TTLL5: variants seen among roughly 807,000 people sequenced by gnomAD.
TTLL5 encodes the protein tubulin polyglutamylase TTLL5.
Under a neutral mutation model 168.4 loss-of-function variants are expected in TTLL5, and 132 were observed. That is an observed-to-expected ratio of 0.78 (90% CI 0.68 to 0.91). The LOEUF (loss-of-function observed/expected upper bound fraction) is 0.91. Among genes scored for constraint, TTLL5 ranks in the 40% least tolerant of loss-of-function variants. TTLL5 has a pLI of 0.00. For missense variants in TTLL5, 1,545 were observed against 1,581.5 expected (o/e 0.98, Z 0.39); for synonymous variants, 546 against 558.6 (o/e 0.98, Z 0.32).
chr14:75,704,552 G>A (rs1305847347), intron 7 of TTLL5, among the ~76,000 whole-genome samples: 1 of 152,140 alleles, frequency 6.6e-6, no homozygotes, highest in African/African-American at 2.4e-5. Flanking sequence ...AAAGAAAGAT[G>A]TGTTTCCAAC....
chr14:75,690,350 T>A (rs368447761), intron 6 of TTLL5, 28 bp downstream of exon 6: 34 of 1,569,840 alleles, frequency 2.2e-5, no homozygotes, highest in Admixed American at 1.9e-4. Context: ...AATGCCCCAG[T>A]CCCCAGCAAC....
At chr14:75,682,777 T>A (rs536955912) in intron 4 of TTLL5, among the ~76,000 whole-genome samples, 1 of 151,894 alleles carries the variant, frequency 6.6e-6, no homozygotes, top group African/African-American at 2.4e-5. Flanking sequence ...TTTAATTTTT[T>A]ATTTTTAGAG....
chr14:75,750,662 T>C (rs567624230), intron 17 of TTLL5, among the ~76,000 whole-genome samples: 29 of 151,872 alleles, frequency 1.9e-4, no homozygotes, highest in Non-Finnish European at 1.6e-4. Flanking sequence ...GCAAAAGTTA[T>C]ATGCGGATTT....
chr14:75,904,431 T>G (rs944061751), intron 31 of TTLL5, among the ~76,000 whole-genome samples: 17 of 152,172 alleles, frequency 1.1e-4, no homozygotes, highest in African/African-American at 4.1e-4. Flanking sequence ...TCCCTGACTA[T>G]ACTTCATTTG....
chr14:75,850,406 CAA>C (rs35336374), intron 28 of TTLL5, among the ~76,000 whole-genome samples: 6 of 91,264 alleles, frequency 6.6e-5, no homozygotes, highest in Admixed American at 1.3e-4. Context: ...AACTCCGTCT[CAA>C]AAAAAAAAAA....
At chr14:75,725,418 C>G (rs1289382783) in intron 12 of TTLL5, among the ~76,000 whole-genome samples, 1 of 152,222 alleles carries the variant, frequency 6.6e-6, no homozygotes, top group East Asian at 1.9e-4. Context: ...TAGGAAGTAT[C>G]TACTGTTTAT....
At chr14:75,866,200 A>G (rs2030503355) in intron 29 of TTLL5, among the ~76,000 whole-genome samples, 1 of 152,244 alleles carries the variant, frequency 6.6e-6, no homozygotes, top group African/African-American at 2.4e-5. Context: ...GCAAAGCCCT[A>G]GTAGATTTTA....
At chr14:75,898,924 G>C (rs1024748943) in intron 30 of TTLL5, among the ~76,000 whole-genome samples, 3 of 152,170 alleles carry the variant, frequency 2.0e-5, no homozygotes, top group Non-Finnish European at 4.4e-5. Flanking sequence ...TTAACTTCCA[G>C]GTTCAGAATG....
At chr14:75,865,844 ATC>A (rs2030471974) in intron 29 of TTLL5, among the ~76,000 whole-genome samples, 1 of 152,226 alleles carries the variant, frequency 6.6e-6, no homozygotes, top group South Asian at 2.1e-4. Context: ...CTGTCAGAAT[ATC>A]TGTTTTAGCG....
chr14:75,925,499 C>A (rs1416471817), intron 31 of TTLL5, among the ~76,000 whole-genome samples: 1 of 149,528 alleles, frequency 6.7e-6, no homozygotes, highest in Admixed American at 6.6e-5. Context: ...GATGGGCGGC[C>A]GGGCAGAGAC....
In TTLL5 at chr14:75,661,299, G is replaced by C. The variant is rs991057467; in HGVS notation, c.-184G>C. ...ACCGGGGAAGCAGCCGTCGGCGGCT[G>C]CCCTGAGCCTTCCTGGGGAAGGAGG... On this transcript the variant is annotated 5_prime_UTR_variant, in exon 1 of 32. Coordinates refer to ENST00000298832, the MANE Select transcript of TTLL5 (RefSeq NM_015072.5). 6.6e-6 allele frequency: 1 copy of C among 152,272 alleles called. No homozygotes were observed. Among genetic ancestry groups the C allele is most frequent in the East Asian group, 1.9e-4 (1 of 5,194 alleles). The allele number at this position is 152,272 out of a possible 1,614,324, so 9.4% of individuals were successfully genotyped here.
chr14:75,699,148 T>G (rs753136940), intron 6 of TTLL5, 40 bp from the exon 7 acceptor site: 19 of 1,558,358 alleles, frequency 1.2e-5, no homozygotes, highest in Non-Finnish European at 1.7e-5. Context: ...ATTCTTTTTC[T>G]TTGTTTCCTC....
At chr14:75,681,471 C>G in intron 3 of TTLL5, 74 bp from the exon 4 acceptor site, 1 of 1,177,528 alleles carries the variant, frequency 8.5e-7, no homozygotes, top group South Asian at 1.2e-5. Context: ...TATAATTAAG[C>G]CACCATGTTA....
At chr14:75,907,791 T>C (rs951809881) in intron 31 of TTLL5, among the ~76,000 whole-genome samples, 1 of 152,208 alleles carries the variant, frequency 6.6e-6, no homozygotes, top group African/African-American at 2.4e-5. Flanking sequence ...GCCTGTCCAA[T>C]GATGAACAAC....
intron 27 of TTLL5, among the ~76,000 whole-genome samples, chr14:75,797,817 G>A (rs992009307): frequency 6.6e-6 from 1 of 151,504 alleles, no homozygotes; most frequent in African/African-American, 2.4e-5. Flanking sequence ...TAGGTTAGTG[G>A]CAGAAACTGC....
intron 9 of TTLL5, among the ~76,000 whole-genome samples, chr14:75,708,185 T>G (rs897024452): frequency 6.6e-6 from 1 of 152,044 alleles, no homozygotes; most frequent in Non-Finnish European, 1.5e-5. Flanking sequence ...GATTTAGAGG[T>G]GGGAGAAGTG....
intron 3 of TTLL5, among the ~76,000 whole-genome samples, chr14:75,673,734 T>C (rs1038717918): frequency 3.9e-5 from 6 of 152,244 alleles, no homozygotes; most frequent in Admixed American, 3.3e-4. Context: ...ACTTTTGTCT[T>C]GTCCCTTAAT....
intron 31 of TTLL5, among the ~76,000 whole-genome samples, chr14:75,931,542 C>T (rs2034277173): frequency 6.6e-6 from 1 of 152,134 alleles, no homozygotes; most frequent in Non-Finnish European, 1.5e-5. Context: ...TCTCTTCATC[C>T]TAAGTTGTAT....
chr14:75,835,975 A>C (rs1895843962), intron 28 of TTLL5, among the ~76,000 whole-genome samples: 1 of 152,232 alleles, frequency 6.6e-6, no homozygotes, highest in African/African-American at 2.4e-5. Flanking sequence ...TATGGAGAAC[A>C]GTTTGGAGAT....
Sources: gnomAD v4.1 joint callset for allele counts (sites outside exome capture counted in the v4.1 genomes callset) on GRCh38, gnomAD v4.1.1 for gene constraint, MANE v1.5 for transcripts, NCBI Gene and HGNC (gene_info 2026-07-23, HGNC 2026-07-21) for gene names.